Variants in DPP10 observed in about 807,000 individuals in gnomAD.
The protein encoded by DPP10 is dipeptidyl peptidase like 10, also known as inactive dipeptidyl peptidase 10.
DPP10 carries 33 observed loss-of-function variants against 120.9 expected under a neutral mutation model. That is an observed-to-expected ratio of 0.27 (90% CI 0.21 to 0.37). The LOEUF (loss-of-function observed/expected upper bound fraction) is 0.37, where lower values mean the gene tolerates loss of function less well. DPP10 is among the 10% of genes least tolerant of loss of function. DPP10 has a pLI of 1.00. For synonymous variants in DPP10, 337 were observed against 326.1 expected (o/e 1.03, Z -0.36); for missense variants, 816 against 942.8 (o/e 0.87, Z 1.76).
At chr2:115,017,397 T>G (rs545891420) in intron 1 of DPP10, among the ~76,000 whole-genome samples, 2 of 152,236 alleles carry the variant, frequency 1.3e-5, no homozygotes, top group Admixed American at 1.3e-4. Flanking sequence ...ACTTTTACAC[T>G]GTTGGTGGGA....
At chr2:115,294,970 A>C (rs760128556) in intron 1 of DPP10, among the ~76,000 whole-genome samples, 14 of 152,190 alleles carry the variant, frequency 9.2e-5, no homozygotes, top group Non-Finnish European at 1.6e-4. Context: ...GGAGAATGAA[A>C]ATATTTTTAA....
intron 1 of DPP10, among the ~76,000 whole-genome samples, chr2:114,890,698 CAAAT>C (rs988728451): frequency 6.6e-6 from 1 of 152,140 alleles, no homozygotes; most frequent in African/African-American, 2.4e-5. Flanking sequence ...AATTCAATAA[CAAAT>C]AAAATCAAGC....
chr2:115,282,005 A>C (rs1408862734), intron 1 of DPP10, among the ~76,000 whole-genome samples: 1 of 152,080 alleles, frequency 6.6e-6, no homozygotes, highest in Non-Finnish European at 1.5e-5. Flanking sequence ...ATGCAATTGG[A>C]GTATATTCAT....
chr2:114,630,247 A>T (rs79201141), intron 1 of DPP10, among the ~76,000 whole-genome samples: 18,041 of 152,176 alleles, frequency 0.12, 1,541 homozygotes, highest in African/African-American at 0.24. Flanking sequence ...AAGAAATTAT[A>T]CTATTTCAAA....
In DPP10 at chr2:115,585,949, A is replaced by T. The variant is rs183980595; in HGVS notation, c.441+59977A>T. On this transcript the variant is annotated intron_variant, in intron 5 of 25. Coordinates refer to ENST00000410059, the MANE Select transcript of DPP10 (RefSeq NM_020868.6). ...TTTCTTACAATCACATAATAATCCA[A>T]TGTGAGGATATAATATAGTTTATGT... is the stretch of plus-strand genomic sequence containing the variant. 8.8e-4 allele frequency among the ~76,000 whole-genome samples: 134 copies of T among 152,296 alleles called. 1 individual carries two copies. The South Asian group carries it at 0.027, about 31-fold the overall frequency.
intron 1 of DPP10, among the ~76,000 whole-genome samples, chr2:114,840,876 A>G (rs1427039109): frequency 6.6e-6 from 1 of 152,132 alleles, no homozygotes; most frequent in Non-Finnish European, 1.5e-5. Context: ...TCTTGGGCAG[A>G]TGGATTTTTT....
chr2:114,883,457 A>G (rs1430365543), intron 1 of DPP10, among the ~76,000 whole-genome samples: 1 of 152,188 alleles, frequency 6.6e-6, no homozygotes, highest in Non-Finnish European at 1.5e-5. Flanking sequence ...AAGCAGCTAG[A>G]CTTTTATTCT....
intron 1 of DPP10, among the ~76,000 whole-genome samples, chr2:114,653,025 A>AGTGTGTGTGTGTGTGTGTGTGT (rs753807245): frequency 1.7e-5 from 2 of 118,868 alleles, no homozygotes; most frequent in Admixed American, 7.8e-5. Flanking sequence ...AGAGAGAGAG[A>AGTGTGTGTGTGTGTGTGTGTGT]GAGTGTGTGT....
chr2:115,805,503 C>T (rs1195245225), intron 19 of DPP10, among the ~76,000 whole-genome samples: 1 of 151,932 alleles, frequency 6.6e-6, no homozygotes, highest in African/African-American at 2.4e-5. Context: ...ATGCAGAAAT[C>T]ACCCGTCTTC....
At chr2:115,224,633 A>G (rs1350679668) in intron 1 of DPP10, among the ~76,000 whole-genome samples, 1 of 152,184 alleles carries the variant, frequency 6.6e-6, no homozygotes, top group Non-Finnish European at 1.5e-5. Flanking sequence ...ATAACAATGT[A>G]TTATATATTT....
chr2:114,929,960 C>T lies in DPP10; in HGVS notation c.61-379279C>T, dbSNP rs551816731. Among the ~76,000 whole-genome samples the T allele has an allele frequency of 4.6e-5, 7 of 152,300 alleles. No homozygotes were observed. In the South Asian group the frequency reaches 6.2e-4, roughly 14 times the overall value. The stretch of plus-strand genomic sequence containing the variant: ...CTTCACAATTTATGTTCTTCTGCCA[C>T]GGCTTCAGCCAGTCCCTCCGTTCAG... On this transcript the variant is annotated intron_variant, in intron 1 of 25. Transcript: ENST00000410059.
chr2:115,513,677 T>G (rs1217891749), intron 4 of DPP10, among the ~76,000 whole-genome samples: 1 of 152,032 alleles, frequency 6.6e-6, no homozygotes, highest in Admixed American at 6.6e-5. Context: ...TTTTCACCCC[T>G]TTGTACTGTA....
At chr2:115,018,701 G>A (rs907104252) in intron 1 of DPP10, among the ~76,000 whole-genome samples, 2 of 151,998 alleles carry the variant, frequency 1.3e-5, no homozygotes, top group Non-Finnish European at 2.9e-5. Context: ...TCACACACTA[G>A]AGCCTGTTGG....
At chr2:114,481,332 G>A (rs1191120233) in intron 1 of DPP10, among the ~76,000 whole-genome samples, 2 of 151,994 alleles carry the variant, frequency 1.3e-5, no homozygotes, top group Non-Finnish European at 2.9e-5. Flanking sequence ...AACATCATTA[G>A]CTATTAGTTA....
At chr2:114,537,148 G>C (rs1318179038) in intron 1 of DPP10, among the ~76,000 whole-genome samples, 2 of 152,190 alleles carry the variant, frequency 1.3e-5, no homozygotes, top group Non-Finnish European at 2.9e-5. Flanking sequence ...GTGTGTGTGT[G>C]TGTTACAGAA....
At chr2:114,697,873 G>A (rs1172234802) in intron 1 of DPP10, among the ~76,000 whole-genome samples, 1 of 151,776 alleles carries the variant, frequency 6.6e-6, no homozygotes, top group African/African-American at 2.4e-5. Flanking sequence ...TCTTACAACA[G>A]GGGCAGAAGT....
At chr2:115,801,848 A>G (rs1189615171) in intron 19 of DPP10, among the ~76,000 whole-genome samples, 1 of 152,198 alleles carries the variant, frequency 6.6e-6, no homozygotes, top group Admixed American at 6.5e-5. Flanking sequence ...TATTTTATTG[A>G]GGATTTTTGC....
chr2:114,751,741 T>C (rs1186778340), intron 1 of DPP10, among the ~76,000 whole-genome samples: 11 of 152,196 alleles, frequency 7.2e-5, no homozygotes, highest in Non-Finnish European at 1.5e-5. Flanking sequence ...ATTTCCTCAC[T>C]CCAGCCTCAC....
intron 1 of DPP10, among the ~76,000 whole-genome samples, chr2:114,932,202 C>G (rs1696125606): frequency 6.6e-6 from 1 of 152,210 alleles, no homozygotes; most frequent in African/African-American, 2.4e-5. Flanking sequence ...TTATCAAGCC[C>G]TCCAGGTGAC....
Sources: gnomAD v4.1 joint callset for allele counts (sites outside exome capture counted in the v4.1 genomes callset) on GRCh38, gnomAD v4.1.1 for gene constraint, MANE v1.5 for transcripts, NCBI Gene and HGNC (gene_info 2026-07-23, HGNC 2026-07-21) for gene names.